Variants in ATRNL1 observed in about 807,000 individuals in gnomAD.
ATRNL1 encodes attractin-like protein 1.
ATRNL1 carries 95 observed loss-of-function variants against 182.7 expected under a neutral mutation model. The ratio of observed to expected loss-of-function variants is 0.52; its 90% CI spans 0.44 to 0.62. The LOEUF (loss-of-function observed/expected upper bound fraction) is 0.62. ATRNL1 is among the 20% of genes least tolerant of loss of function. The pLI is 0.00. For missense variants in ATRNL1, 1,471 were observed against 1,679.5 expected (o/e 0.88, Z 2.17); for synonymous variants, 576 against 568.3 (o/e 1.01, Z -0.19).
chr10:115,502,377 G>C (rs1657134882), intron 24 of ATRNL1, among the ~76,000 whole-genome samples: 1 of 151,902 alleles, frequency 6.6e-6, no homozygotes, highest in African/African-American at 2.4e-5. Flanking sequence ...AATATCAAAG[G>C]TTTAAAACAC....
intron 19 of ATRNL1, among the ~76,000 whole-genome samples, chr10:115,350,201 T>C (rs1554940809): frequency 6.6e-6 from 1 of 151,556 alleles, no homozygotes; most frequent in African/African-American, 2.4e-5. Context: ...CTGGGTGTGG[T>C]GGTGTGCGCC....
intron 1 of ATRNL1, among the ~76,000 whole-genome samples, chr10:115,099,482 A>G (rs188557812): frequency 6.6e-6 from 1 of 152,314 alleles, no homozygotes; most frequent in African/African-American, 2.4e-5. Context: ...ATGGGTAGAT[A>G]TATGTGTAAC....
At chr10:115,382,599 G>T (rs1489543626) in intron 19 of ATRNL1, among the ~76,000 whole-genome samples, 2 of 150,628 alleles carry the variant, frequency 1.3e-5, no homozygotes, top group African/African-American at 2.4e-5. Flanking sequence ...ACTTTTTGTG[G>T]ATTATTTAGG....
intron 26 of ATRNL1, among the ~76,000 whole-genome samples, chr10:115,664,562 A>G (rs1314897446): frequency 3.3e-5 from 5 of 152,122 alleles, no homozygotes; most frequent in African/African-American, 7.2e-5. Flanking sequence ...GAAACAATTA[A>G]ATGTTTTGCA....
intron 26 of ATRNL1, among the ~76,000 whole-genome samples, chr10:115,621,254 AATATATATAT>A (rs781830067): frequency 7.0e-5 from 5 of 71,308 alleles, no homozygotes; most frequent in African/African-American, 3.5e-4. Flanking sequence ...TTGAGCTCTG[AATATATATAT>A]ATATATATAT....
At chr10:115,535,134 C>T (rs1410674662) in intron 25 of ATRNL1, among the ~76,000 whole-genome samples, 2 of 150,960 alleles carry the variant, frequency 1.3e-5, no homozygotes, top group Admixed American at 6.6e-5. Context: ...CTCTGTATTT[C>T]CTGAATCTGA....
chr10:115,453,439 A>C (rs557652958), intron 21 of ATRNL1, among the ~76,000 whole-genome samples: 1 of 152,048 alleles, frequency 6.6e-6, no homozygotes, highest in Non-Finnish European at 1.5e-5. Flanking sequence ...CCCTTGTCCA[A>C]TGTATGATTT....
intron 28 of ATRNL1, among the ~76,000 whole-genome samples, chr10:115,873,688 G>A (rs376858897): frequency 1.3e-5 from 2 of 152,164 alleles, no homozygotes; most frequent in Admixed American, 1.3e-4. Context: ...TTACTGTATT[G>A]ATTGACTATT....
chr10:115,922,255 C>T (rs1555118889), intron 28 of ATRNL1, among the ~76,000 whole-genome samples: 3 of 152,094 alleles, frequency 2.0e-5, no homozygotes, highest in South Asian at 2.1e-4. Context: ...CATTTGTCAA[C>T]AGGGATCTGT....
At chr10:115,488,989 AG>A (rs1339557525) in intron 24 of ATRNL1, among the ~76,000 whole-genome samples, 1 of 152,146 alleles carries the variant, frequency 6.6e-6, no homozygotes, top group Non-Finnish European at 1.5e-5. Flanking sequence ...TTTACCCAGT[AG>A]TCATTCAGGA....
intron 26 of ATRNL1, among the ~76,000 whole-genome samples, chr10:115,626,489 T>C (rs1858109876): frequency 6.6e-6 from 1 of 152,200 alleles, no homozygotes; most frequent in African/African-American, 2.4e-5. Context: ...CTGGTTCATG[T>C]TGGGTATATT....
chr10:115,724,137 T>C (rs781833447), intron 26 of ATRNL1, among the ~76,000 whole-genome samples: 1 of 152,198 alleles, frequency 6.6e-6, no homozygotes, highest in African/African-American at 2.4e-5. Context: ...CTTCATTTTA[T>C]ATAAAACACA....
intron 5 of ATRNL1, 51 bp from the exon 6 acceptor site, chr10:115,159,989 A>G (rs782514372): frequency 7.3e-7 from 1 of 1,362,810 alleles, no homozygotes; most frequent in Non-Finnish European, 9.9e-7. Flanking sequence ...TATTTCTATA[A>G]TCTGAGGGCT....
intron 27 of ATRNL1, chr10:115,820,502 A>C (rs1950267148): frequency 6.6e-6 from 1 of 152,070 alleles, no homozygotes; most frequent in Non-Finnish European, 1.5e-5. Flanking sequence ...ATATGTCAAG[A>C]CTTTGGATAT....
intron 27 of ATRNL1, among the ~76,000 whole-genome samples, chr10:115,815,766 G>T (rs1423380908): frequency 2.6e-5 from 4 of 152,200 alleles, no homozygotes; most frequent in Middle Eastern, 3.4e-3. Flanking sequence ...GAAGCCTCTA[G>T]ATCTGTGTCT....
At chr10:115,115,643 G>C (rs1235441714) in intron 1 of ATRNL1, among the ~76,000 whole-genome samples, 3 of 152,026 alleles carry the variant, frequency 2.0e-5, no homozygotes, top group Non-Finnish European at 4.4e-5. Flanking sequence ...GCTTACAAAG[G>C]CCACCCTGCA....
At chr10:115,402,099 A>G (rs933450877) in intron 20 of ATRNL1, among the ~76,000 whole-genome samples, 2 of 152,128 alleles carry the variant, frequency 1.3e-5, no homozygotes, top group African/African-American at 4.8e-5. Flanking sequence ...CTCTTGGTCA[A>G]ATTCTGAATA....
intron 28 of ATRNL1, among the ~76,000 whole-genome samples, chr10:115,875,991 G>A (rs1555107151): frequency 1.3e-5 from 2 of 152,186 alleles, no homozygotes; most frequent in East Asian, 3.9e-4. Flanking sequence ...GAAAGGCAAA[G>A]TAGGAGATCA....
intron 10 of ATRNL1, among the ~76,000 whole-genome samples, chr10:115,245,582 T>A (rs1850601269): frequency 6.6e-6 from 1 of 151,630 alleles, no homozygotes; most frequent in Non-Finnish European, 1.5e-5. Context: ...TTTGGAGTGA[T>A]ATATATGTAT....
Sources: allele counts gnomAD v4.1 joint callset (sites outside exome capture counted in the v4.1 genomes callset), GRCh38; gene constraint gnomAD v4.1.1; transcripts MANE v1.5; gene names NCBI Gene and HGNC (gene_info 2026-07-23, HGNC 2026-07-21).